The following ERG variants were observed in gnomAD, a reference collection of about 807,000 sequenced individuals.
The protein encoded by ERG is transcriptional regulator ERG.
A neutral mutation model predicts 55.3 loss-of-function variants in ERG; 9 were observed. That is an observed-to-expected ratio of 0.16 (90% CI 0.10 to 0.28). ERG has a LOEUF of 0.28. ERG is among the 10% of genes least tolerant of loss of function. The pLI is 1.00. For missense variants in ERG, 434 were observed against 631.6 expected, an observed-to-expected ratio of 0.69 and a Z score of 3.35; for synonymous variants, 223 against 237.3, an observed-to-expected ratio of 0.94 and a Z score of 0.55.
rs1414009380 is a variant in ERG at position 38,646,292 on chromosome 21, A to AAG, written c.-150+15365_-150+15366insCT. Among the ~76,000 whole-genome samples the AAG allele has an allele frequency of 4.6e-5, 7 of 151,670 alleles. No homozygotes were observed. In the East Asian group the frequency reaches 1.2e-3, roughly 25 times the overall value. On this transcript the variant is annotated intron_variant, in intron 1 of 10. Coordinates refer to the ERG transcript ENST00000398910. ...GGAGTCTCTGTCTAAAAAAAAAAAA[A>AAG]AAAAAGCAAAACAAACAAAAACAAA... is the stretch of plus-strand genomic sequence containing the variant.
Position 38,445,396 on chromosome 21 carries a change from C to A in ERG, c.236+8G>T, listed in dbSNP as rs201467419. 3.0e-4 allele frequency: 485 copies of A among 1,610,536 alleles called. 1 individual carries two copies. The highest frequency in any genetic ancestry group is 1.6e-4 in the East Asian group (7 of 44,826). On this transcript the variant is annotated splice_region_variant and intron_variant, in intron 2 of 9. Transcript: ENST00000288319. ...GTCAGGGAGAGAAAGGGGCGGAAGT[C>A]TCCTTACCTTGAGCCATTCACCTGG...
intron 2 of ERG, among the ~76,000 whole-genome samples, chr21:38,440,492 T>TC: frequency 6.6e-6 from 1 of 152,238 alleles, no homozygotes; most frequent in Middle Eastern, 3.4e-3. Context: ...ACGCCCATGT[T>TC]CCCTTTTATG....
intron 2 of ERG, among the ~76,000 whole-genome samples, chr21:38,538,038 T>C (rs1406461281): frequency 6.6e-6 from 1 of 152,200 alleles, no homozygotes; most frequent in Non-Finnish European, 1.5e-5. Context: ...GATTGTCTTA[T>C]TTATCTTACG....
At chr21:38,392,537 A>C in intron 6 of ERG, 93 bp from the exon 7 acceptor site, 1 of 922,272 alleles carries the variant, frequency 1.1e-6, no homozygotes. Flanking sequence ...TTATTAGAAT[A>C]AACTTTGTGC....
intron 2 of ERG, among the ~76,000 whole-genome samples, chr21:38,573,498 T>C (rs533274737): frequency 1.2e-3 from 180 of 152,346 alleles, no homozygotes; most frequent in African/African-American, 3.6e-3. Context: ...GCAATGCTGC[T>C]TTGTTATTCT....
intron 1 of ERG, among the ~76,000 whole-genome samples, chr21:38,496,743 T>C (rs988228198): frequency 2.6e-5 from 4 of 152,226 alleles, no homozygotes; most frequent in African/African-American, 9.7e-5. Context: ...TATTCATAAA[T>C]GTATACTTCA....
chr21:38,464,571 C>T (rs1220105140), intron 1 of ERG, among the ~76,000 whole-genome samples: 1 of 152,048 alleles, frequency 6.6e-6, no homozygotes, highest in Non-Finnish European at 1.5e-5. Flanking sequence ...TTAGATAATG[C>T]TATTTTTCAT....
intron 6 of ERG, among the ~76,000 whole-genome samples, chr21:38,395,926 C>A (rs748482926): frequency 6.6e-6 from 1 of 152,184 alleles, no homozygotes; most frequent in African/African-American, 2.4e-5. Context: ...CCACACACCC[C>A]ACACCGCCAC....
intron 2 of ERG, among the ~76,000 whole-genome samples, chr21:38,516,160 G>T (rs779689642): frequency 6.6e-6 from 1 of 151,890 alleles, no homozygotes; most frequent in Non-Finnish European, 1.5e-5. Flanking sequence ...AAGCAATAAA[G>T]GTCATCCAAA....
chr21:38,423,471 C>A lies in ERG; in HGVS notation c.327G>T (p.Glu109Asp). 6.2e-7 allele frequency: 1 copy of A among 1,614,184 alleles called. No individual in the cohort carries two copies. The change falls in exon 3 of 10, where the codon GAG becomes GAT. Residue 109 changes from glutamate to aspartate, a missense_variant. Transcript: ENST00000288319. ...TVGMNYGSYM[E>D]EKHMPPPNMT... ...TGTTTGGGGGTGGCATGTGCTTCTC[C>A]TCCATGTAGCTGCCGTAGTTCATCC...
In ERG at chr21:38,646,053, C is replaced by T. The variant is rs546949422; in HGVS notation, c.-150+15605G>A. 1.4e-4 allele frequency among the ~76,000 whole-genome samples: 21 copies of T among 152,154 alleles called. No homozygotes were observed. In the East Asian group the frequency reaches 2.7e-3, roughly 20 times the overall value. ...CAACACTCTGAGAGGCCAAGGAGGG[C>T]GGATCACTTGAGGTCAGGAGTTCGA... is the stretch of plus-strand genomic sequence containing the variant. On this transcript the variant is annotated intron_variant, in intron 1 of 10. Coordinates refer to the ERG transcript ENST00000398910.
intron 2 of ERG, among the ~76,000 whole-genome samples, chr21:38,524,464 T>C (rs1256087314): frequency 6.6e-6 from 1 of 152,224 alleles, no homozygotes. Flanking sequence ...AGAATCATCA[T>C]AAAGCTAAAT....
intron 1 of ERG, among the ~76,000 whole-genome samples, chr21:38,645,758 G>GA (rs1024405759): frequency 6.6e-6 from 1 of 152,214 alleles, no homozygotes; most frequent in Non-Finnish European, 1.5e-5. Context: ...AAGCATCAGT[G>GA]AAAATGTATG....
intron 1 of ERG, among the ~76,000 whole-genome samples, chr21:38,581,506 C>T (rs529301012): frequency 5.3e-5 from 8 of 152,158 alleles, no homozygotes; most frequent in Non-Finnish European, 1.0e-4. Context: ...CCCTAGATAG[C>T]TTCAGGATGG....
At chr21:38,551,391 G>A (rs956108383) in intron 2 of ERG, among the ~76,000 whole-genome samples, 8 of 151,994 alleles carry the variant, frequency 5.3e-5, no homozygotes, top group African/African-American at 1.9e-4. Context: ...TCTGCTAGCA[G>A]TAAGTTTGGT....
In ERG at chr21:38,641,401, G is replaced by C. The variant is rs1313760377; in HGVS notation, c.-150+20257C>G. On this transcript the variant is annotated intron_variant, in intron 1 of 10. Coordinates refer to the ERG transcript ENST00000398910. ...TTGACATTGAACTTCCCAGCCTCCA[G>C]AACTATGTGAAATAAAGTCTTGTTT... Among the ~76,000 whole-genome samples, 4 of 152,252 alleles carry C rather than the reference G, an allele frequency of 2.6e-5. No homozygotes were observed. In the South Asian group the frequency reaches 6.2e-4, roughly 24 times the overall value.
intron 2 of ERG, among the ~76,000 whole-genome samples, chr21:38,566,503 C>G (rs151041425): frequency 1.3e-4 from 20 of 152,174 alleles, no homozygotes; most frequent in Non-Finnish European, 2.2e-4. Context: ...TTATTGACTC[C>G]GATTCCTAAG....
Position 38,403,615 on chromosome 21 carries a change from C to G in ERG, c.483G>C (p.Gln161His), listed in dbSNP as rs1988616577. The G allele has an allele frequency of 6.2e-7, 1 of 1,614,022 alleles. No homozygotes were observed. Among genetic ancestry groups the G allele is most frequent in the African/African-American group, 1.3e-5 (1 of 74,898 alleles). Residue 161 changes from glutamine to histidine, a missense_variant, in exon 4 of 10, where the codon CAG (glutamine) becomes CAC (histidine). Transcript: ENST00000288319. ...TGCACAGTTCCTTCCCATCGATGTT[C>G]TGGAATAACAAGATGTTGACGTCTG... ...GLPDVNILLFQNIDGKELCKM... is the reference protein window; with the variant it reads ...GLPDVNILLFHNIDGKELCKM...
chr21:38,575,106 A>AGCCAG (rs1241806084), intron 2 of ERG, among the ~76,000 whole-genome samples: 1 of 152,186 alleles, frequency 6.6e-6, no homozygotes, highest in African/African-American at 2.4e-5. Flanking sequence ...GTCAGAAAGC[A>AGCCAG]GCCAGGGCAG....
Sources: gnomAD v4.1 joint callset for allele counts (sites outside exome capture counted in the v4.1 genomes callset) on GRCh38, gnomAD v4.1.1 for gene constraint, MANE v1.5 for transcripts, NCBI Gene and HGNC (gene_info 2026-07-23, HGNC 2026-07-21) for gene names.